Variants in BMPR2 observed in about 807,000 individuals in gnomAD.
The protein encoded by BMPR2 is bone morphogenetic protein receptor type-2.
BMPR2 carries 29 observed loss-of-function variants against 100.8 expected under a neutral mutation model. That is an observed-to-expected ratio of 0.29 (90% confidence interval 0.21 to 0.39). The LOEUF (loss-of-function observed/expected upper bound fraction) is 0.39. Ranked by LOEUF, BMPR2 falls within the 10% of genes least tolerant of loss-of-function variation. The probability of loss-of-function intolerance (pLI) is 1.00; values close to 1 mark genes in which losing one functional copy is unlikely to be tolerated. For missense variants in BMPR2, 1,011 were observed against 1,274.5 expected (o/e 0.79, Z 3.15); for synonymous variants, 382 against 442.3 (o/e 0.86, Z 1.71).
chr2:202,531,114 C>A (rs41271469), intron 8 of BMPR2, among the ~76,000 whole-genome samples, 160 bp downstream of exon 8: 1 of 152,282 alleles, frequency 6.6e-6, no homozygotes, highest in Non-Finnish European at 1.5e-5. Context: ...ACCAGCTTGG[C>A]CAACATGGCG....
Position 202,422,719 on chromosome 2 carries a change from T to C in BMPR2, c.77-42090T>C, listed in dbSNP as rs559180557. The stretch of plus-strand genomic sequence containing the variant: ...TGAGATAGAGTCTCCCTCTGTCTCC[T>C]AGGCTGGAGTGCAGTGGCATGATCT... On this transcript the variant is annotated intron_variant, in intron 1 of 12. Coordinates refer to ENST00000374580, the MANE Select transcript of BMPR2 (RefSeq NM_001204.7). Among the ~76,000 whole-genome samples the C allele has an allele frequency of 5.9e-4, 89 of 150,892 alleles. No individual in the cohort carries two copies. In the South Asian group the frequency reaches 6.7e-3, roughly 11 times the overall value.
chr2:202,537,345 AACT>A (rs2106026347), intron 9 of BMPR2, among the ~76,000 whole-genome samples: 1 of 152,332 alleles, frequency 6.6e-6, no homozygotes, highest in African/African-American at 2.4e-5. Flanking sequence ...TATTTTGAAA[AACT>A]ACTGTGTTCA....
At chr2:202,416,557 C>G (rs559595932) in intron 1 of BMPR2, among the ~76,000 whole-genome samples, 18 of 151,052 alleles carry the variant, frequency 1.2e-4, no homozygotes, top group African/African-American at 3.9e-4. Context: ...TCCCAAGTAG[C>G]TGGGACTACA....
At chr2:202,489,618 A>G (rs1692856354) in intron 3 of BMPR2, among the ~76,000 whole-genome samples, 2 of 152,262 alleles carry the variant, frequency 1.3e-5, no homozygotes, top group African/African-American at 2.4e-5. Context: ...CTTACCCCAC[A>G]AAACAACTGA....
At chr2:202,432,589 G>C (rs1469394941) in intron 1 of BMPR2, among the ~76,000 whole-genome samples, 6 of 150,578 alleles carry the variant, frequency 4.0e-5, no homozygotes, top group Admixed American at 2.6e-4. Context: ...CCGTAAGTTA[G>C]CATAAATAAT....
chr2:202,521,408 A>T (rs1361134919), intron 7 of BMPR2, among the ~76,000 whole-genome samples: 1 of 152,042 alleles, frequency 6.6e-6, no homozygotes, highest in Non-Finnish European at 1.5e-5. Flanking sequence ...CTCTACAAAA[A>T]ATATAAACAT....
chr2:202,413,845 A>G (rs1559030752), intron 1 of BMPR2, among the ~76,000 whole-genome samples: 1 of 152,008 alleles, frequency 6.6e-6, no homozygotes, highest in Non-Finnish European at 1.5e-5. Context: ...TTGTATTTTT[A>G]GTAGAGATGA....
chr2:202,411,178 G>A (rs1326155764), intron 1 of BMPR2, among the ~76,000 whole-genome samples: 1 of 152,104 alleles, frequency 6.6e-6, no homozygotes, highest in Non-Finnish European at 1.5e-5. Context: ...TTACAAAGGG[G>A]AACCTTTGTA....
chr2:202,457,049 G>A (rs1692123293), intron 1 of BMPR2, among the ~76,000 whole-genome samples: 1 of 151,850 alleles, frequency 6.6e-6, no homozygotes, highest in African/African-American at 2.4e-5. Flanking sequence ...TTTTTAGAAG[G>A]GGATATACCT....
intron 1 of BMPR2, among the ~76,000 whole-genome samples, chr2:202,434,984 G>A (rs1691585488): frequency 1.5e-5 from 2 of 137,690 alleles, no homozygotes; most frequent in African/African-American, 5.8e-5. Flanking sequence ...GGAGACTGAG[G>A]TGGGCAGCTC....
intron 1 of BMPR2, among the ~76,000 whole-genome samples, chr2:202,424,514 A>G (rs1213073002): frequency 1.3e-5 from 2 of 151,862 alleles, no homozygotes; most frequent in African/African-American, 4.8e-5. Context: ...TGGCCAACAC[A>G]GTGAAACCCC....
At chr2:202,485,397 T>C (rs1385114060) in intron 3 of BMPR2, among the ~76,000 whole-genome samples, 1 of 151,966 alleles carries the variant, frequency 6.6e-6, no homozygotes, top group Non-Finnish European at 1.5e-5. Flanking sequence ...TAAAGGAGAA[T>C]CTGTTACATG....
At chr2:202,476,947 CAAAAAA>C (rs35516927) in intron 3 of BMPR2, among the ~76,000 whole-genome samples, 1 of 121,310 alleles carries the variant, frequency 8.2e-6, no homozygotes, top group Non-Finnish European at 1.7e-5. Context: ...AATCAACTGC[CAAAAAA>C]AAAAAAAAAA....
rs762096820 is a variant in BMPR2, at chr2:202,485,545, C to CTTTTTTTTTTTTTTTTTTTTTTTTTTTTT, written c.418+17875_418+17876insTTTTTTTTTTTTTTTTTTTTTTTTTTTTT. Among the ~76,000 whole-genome samples, 13 of 64,010 alleles carry CTTTTTTTTTTTTTTTTTTTTTTTTTTTTT rather than the reference C, an allele frequency of 2.0e-4. 2 individuals are homozygous for CTTTTTTTTTTTTTTTTTTTTTTTTTTTTT. The highest frequency in any genetic ancestry group is 3.2e-4 in the Non-Finnish European group (12 of 37,166). 42.0% of individuals were successfully genotyped at this position (64,010 alleles called of 152,430 possible). ...GTCTCAAATCTCCCTTTGCCTTTAT[C>CTTTTTTTTTTTTTTTTTTTTTTTTTTTTT]TTTTTTTTTTTTTTTTTTTGAGACA... On this transcript the variant is annotated intron_variant, in intron 3 of 12. Transcript: ENST00000374580.
At position 202,520,118 on chromosome 2, in the gene BMPR2, C is replaced by T. The variant is rs748055005; in HGVS notation, c.884C>T (p.Thr295Ile). 4 of 1,612,580 alleles carry T rather than the reference C, an allele frequency of 2.5e-6. No homozygotes were observed. Among genetic ancestry groups the T allele is most frequent in the Non-Finnish European group, 3.4e-6 (4 of 1,179,764 alleles). ...TTATGCAAGTATTTAAGTCTCCACA[C>T]AAGTGACTGGGTAAGCTCTTGCCGT... The part of the protein sequence containing the change: ...GSLCKYLSLH[T>I]SDWVSSCRLA... Residue 295 changes from threonine (T) to isoleucine (I), a missense_variant, in exon 7 of 13, where the codon ACA becomes ATA. By Grantham distance (89) the Thr-to-Ile change is moderately conservative. Around this residue, in one of 6 missense-constraint regions of BMPR2, gnomAD observed 355 missense variants for 455.3 expected, o/e 0.78. Coordinates refer to ENST00000374580, the MANE Select transcript of BMPR2 (RefSeq NM_001204.7).
In BMPR2 at chr2:202,555,796, A is replaced by G; in HGVS notation, c.2131A>G (p.Ile711Val). 1 of 1,614,122 alleles carries G rather than the reference A, an allele frequency of 6.2e-7. No individual in the cohort carries two copies. Among genetic ancestry groups the G allele is most frequent in the Non-Finnish European group, 8.5e-7 (1 of 1,180,032 alleles). ...STSSSLLYPL[I>V]KLAVEATGQQ... ...TAGTTCTAGCTTGCTTTACCCACTC[A>G]TAAAACTTGCAGTAGAAGCAACTGG... Residue 711 changes from isoleucine (I) to valine (V), a missense_variant, in exon 12 of 13, where the codon ATA becomes GTA. Ile to Val is a conservative substitution (Grantham distance 29). Transcript: ENST00000374580.
At chr2:202,385,229 C>A (rs1690401845) in intron 1 of BMPR2, among the ~76,000 whole-genome samples, 1 of 150,634 alleles carries the variant, frequency 6.6e-6, no homozygotes, top group African/African-American at 2.4e-5. Context: ...GTAGTAGACA[C>A]ACCAGGCTAA....
At chr2:202,466,246 A>G (rs1692318902) in intron 2 of BMPR2, among the ~76,000 whole-genome samples, 1 of 151,790 alleles carries the variant, frequency 6.6e-6, no homozygotes, top group Non-Finnish European at 1.5e-5. Flanking sequence ...ATTCTCTCCA[A>G]CACTGTATGA....
intron 10 of BMPR2, among the ~76,000 whole-genome samples, chr2:202,549,250 AT>A (rs1213635274): frequency 6.6e-6 from 1 of 152,046 alleles, no homozygotes; most frequent in Non-Finnish European, 1.5e-5. Context: ...AGTTATAATT[AT>A]TATTCATGTT....
Sources: allele counts gnomAD v4.1 joint callset (sites outside exome capture counted in the v4.1 genomes callset), GRCh38; gene constraint gnomAD v4.1.1; regional missense constraint gnomAD v4.1.1; transcripts MANE v1.5; gene names NCBI Gene and HGNC (gene_info 2026-07-23, HGNC 2026-07-21).